The following ZNRF3 variants were observed in gnomAD, a reference collection of about 807,000 sequenced individuals.
The protein encoded by ZNRF3 is zinc and ring finger 3.
A neutral mutation model predicts 72.5 loss-of-function variants in ZNRF3; 23 were observed. The observed-to-expected ratio is 0.32, with a 90% CI of 0.23 to 0.45. The LOEUF (loss-of-function observed/expected upper bound fraction) is 0.45. Among genes scored for constraint, ZNRF3 ranks in the 20% least tolerant of loss-of-function variants. The pLI, the probability that ZNRF3 is intolerant of heterozygous loss-of-function variation, is 1.00. For synonymous variants in ZNRF3, 610 were observed against 545.3 expected (o/e 1.12, Z -1.65); for missense variants, 1,169 against 1,272.1 (o/e 0.92, Z 1.23).
chr22:28,982,193 G>C (rs1341919370), intron 1 of ZNRF3, among the ~76,000 whole-genome samples: 2 of 152,060 alleles, frequency 1.3e-5, no homozygotes, highest in Non-Finnish European at 2.9e-5. Context: ...TTCTGCATTG[G>C]TTGCTGATTT....
intron 2 of ZNRF3, among the ~76,000 whole-genome samples, chr22:28,999,887 G>A (rs1038778247): frequency 3.3e-5 from 5 of 152,246 alleles, no homozygotes; most frequent in Admixed American, 1.3e-4. Flanking sequence ...AAGGAAAGGG[G>A]ACGGCAGAGA....
At chr22:28,934,769 GAT>G (rs1327367120) in intron 1 of ZNRF3, among the ~76,000 whole-genome samples, 1 of 142,292 alleles carries the variant, frequency 7.0e-6, no homozygotes, top group Non-Finnish European at 1.5e-5. Flanking sequence ...AGTGAGCCGA[GAT>G]AGTGCCACTG....
Position 29,042,414 on chromosome 22 carries a change from T to C in ZNRF3, c.427-81T>C, listed in dbSNP as rs1048874392. 7.5e-5 allele frequency: 88 copies of C among 1,174,300 alleles called. 4 individuals are homozygous for C. The South Asian group carries it at 1.1e-3, about 14-fold the overall frequency. The allele number at this position is 1,174,300 out of a possible 1,614,324, so 72.7% of individuals were successfully genotyped here. On this transcript the variant is annotated intron_variant, in intron 2 of 8. Coordinates refer to ENST00000544604, the MANE Select transcript of ZNRF3 (RefSeq NM_001206998.2). ...GGTAACTGTCAGATTCTGCATTTGA[T>C]TACAGGCCTGATTGCCAAGGCCAAC...
chr22:28,997,988 T>TAAAAA (rs557887667), intron 2 of ZNRF3, among the ~76,000 whole-genome samples: 2 of 115,336 alleles, frequency 1.7e-5, no homozygotes, highest in Non-Finnish European at 3.4e-5. Flanking sequence ...CCTGGCTCTT[T>TAAAAA]AAAAAAAAAA....
At chr22:28,982,433 C>CAAAAAAAAAA (rs61589852) in intron 1 of ZNRF3, among the ~76,000 whole-genome samples, 8 of 76,470 alleles carry the variant, frequency 1.0e-4, no homozygotes, top group Non-Finnish European at 1.5e-4. Flanking sequence ...CCTGTCTCTA[C>CAAAAAAAAAA]AAAAAAAAAA....
At chr22:28,941,359 C>A (rs1231578323) in intron 1 of ZNRF3, among the ~76,000 whole-genome samples, 1 of 152,138 alleles carries the variant, frequency 6.6e-6, no homozygotes, top group Non-Finnish European at 1.5e-5. Context: ...TTTAGAAATT[C>A]AATTTCAGCT....
chr22:29,007,755 T>TC (rs1344062702), intron 2 of ZNRF3, among the ~76,000 whole-genome samples: 7 of 132,676 alleles, frequency 5.3e-5, no homozygotes, highest in Non-Finnish European at 1.1e-4. Context: ...TTTCTTCCTT[T>TC]TTTTTTTTTT....
intron 2 of ZNRF3, among the ~76,000 whole-genome samples, chr22:28,988,826 G>A (rs976481475): frequency 2.6e-5 from 4 of 152,144 alleles, no homozygotes; most frequent in African/African-American, 7.2e-5. Context: ...CCCCGGTCTG[G>A]TGGGGCTCCA....
intron 1 of ZNRF3, among the ~76,000 whole-genome samples, chr22:28,924,717 A>G (rs1056367689): frequency 3.3e-5 from 5 of 152,162 alleles, no homozygotes; most frequent in African/African-American, 1.2e-4. Context: ...AGCCTGGGCA[A>G]CAGAGCAAGG....
Position 29,050,775 on chromosome 22 carries a change from G to A in ZNRF3, c.2594G>A (p.Arg865Gln), listed in dbSNP as rs780952600. 1.9e-6 allele frequency: 3 copies of A among 1,606,758 alleles called. No homozygotes were observed. The highest frequency in any genetic ancestry group is 1.7e-4 in the Middle Eastern group (1 of 6,052). ...GGGACGCGAGGCCCGGATACCCCAC[G>A]GCCCCACAGGGGCCTGGGAGCAACC... is the stretch of plus-strand genomic sequence containing the variant. ...WGGTRGPDTP[R>Q]PHRGLGATRE... The change falls in exon 8 of 9, where the codon CGG becomes CAG. Residue 865 changes from arginine to glutamine, a missense_variant. Arg to Gln is a conservative substitution (Grantham distance 43). Coordinates refer to ENST00000544604, the MANE Select transcript of ZNRF3 (RefSeq NM_001206998.2).
intron 1 of ZNRF3, among the ~76,000 whole-genome samples, chr22:28,896,870 C>G (rs1429364156): frequency 2.0e-5 from 3 of 152,210 alleles, no homozygotes; most frequent in Non-Finnish European, 2.9e-5. Flanking sequence ...GCTGACTTCC[C>G]TCTTCAGGCC....
chr22:28,929,117 T>C (rs914280599), intron 1 of ZNRF3, among the ~76,000 whole-genome samples: 4 of 152,250 alleles, frequency 2.6e-5, no homozygotes, highest in African/African-American at 4.8e-5. Flanking sequence ...AATTGTGGTC[T>C]TTGAAAGTTC....
At chr22:28,990,675 CCAGTCAATCAAT>C (rs1234025526) in intron 2 of ZNRF3, among the ~76,000 whole-genome samples, 1 of 152,084 alleles carries the variant, frequency 6.6e-6, no homozygotes, top group Non-Finnish European at 1.5e-5. Context: ...GACCCTGTCT[CCAGTCAATCAAT>C]CAGTCAATCA....
chr22:28,943,747 TC>T (rs1201778577), intron 1 of ZNRF3, among the ~76,000 whole-genome samples: 2 of 152,202 alleles, frequency 1.3e-5, no homozygotes, highest in Non-Finnish European at 2.9e-5. Flanking sequence ...TAAACTTGTT[TC>T]CTGGTGTAAT....
intron 2 of ZNRF3, among the ~76,000 whole-genome samples, chr22:29,014,833 A>T (rs915784243): frequency 5.3e-5 from 8 of 152,238 alleles, no homozygotes; most frequent in African/African-American, 1.9e-4. Flanking sequence ...CAAGGCCAAC[A>T]AACTGGGTGA....
In ZNRF3 at chr22:29,049,595, T is replaced by C. The variant is rs200095714; in HGVS notation, c.1414T>C (p.Tyr472His). 3.9e-5 allele frequency: 62 copies of C among 1,609,078 alleles called. No homozygotes were observed. The highest frequency in any genetic ancestry group is 4.9e-5 in the Non-Finnish European group (58 of 1,178,846). Residue 472 changes from tyrosine (Y) to histidine (H), a missense_variant, in exon 8 of 9, where the codon TAC (tyrosine) becomes CAC (histidine). Tyr to His is a moderately conservative substitution (Grantham distance 83, BLOSUM62 2). This residue lies in a region of ZNRF3 where 783 missense variants were observed against 731.4 expected (regional missense o/e 1.07). Coordinates refer to ENST00000544604, the MANE Select transcript of ZNRF3 (RefSeq NM_001206998.2). This position sits in a 1 kb window ranked among gnomAD's most constrained non-coding sequence, Gnocchi z 5.2. ...CCAGTATGAGACCATGTACCAGCAC[T>C]ACTACTTCCAGGGCCTCAGCTACCC... ...FSQYETMYQH[Y>H]YFQGLSYPEQ...
At chr22:28,885,930 C>CAAA (rs5844826) in intron 1 of ZNRF3, among the ~76,000 whole-genome samples, 1 of 126,536 alleles carries the variant, frequency 7.9e-6, no homozygotes. Flanking sequence ...TTAGCCTAGC[C>CAAA]AAAAAAAAAA....
intron 8 of ZNRF3, among the ~76,000 whole-genome samples, chr22:29,052,553 C>T (rs777729564): frequency 2.6e-5 from 4 of 152,146 alleles, no homozygotes; most frequent in African/African-American, 7.2e-5. Context: ...ATTAGCCGGG[C>T]GTGGTGGCGT....
chr22:29,043,461 G>T (rs756034169), intron 4 of ZNRF3, 31 bp downstream of exon 4: 61 of 1,610,046 alleles, frequency 3.8e-5, no homozygotes, highest in Middle Eastern at 2.1e-4. Flanking sequence ...GCACAGGCTC[G>T]GGGCCTTCTC....
Sources: allele counts gnomAD v4.1 joint callset (sites outside exome capture counted in the v4.1 genomes callset), GRCh38; gene constraint gnomAD v4.1.1; regional missense constraint gnomAD v4.1.1; non-coding constraint Gnocchi (gnomAD v3.1); transcripts MANE v1.5; gene names NCBI Gene and HGNC (gene_info 2026-07-23, HGNC 2026-07-21).